GPR137C: variants seen among roughly 807,000 people sequenced by gnomAD.
GPR137C encodes the protein G protein-coupled receptor 137C.
Under a neutral mutation model 43.4 loss-of-function variants are expected in GPR137C, and 27 were observed. That is an observed-to-expected ratio of 0.62 (90% CI 0.46 to 0.86). The LOEUF is 0.86. Ranked by LOEUF, GPR137C falls within the 40% of genes least tolerant of loss-of-function variation. The pLI, the probability that GPR137C is intolerant of heterozygous loss-of-function variation, is 0.00. For synonymous variants in GPR137C, 285 were observed against 226.9 expected, an observed-to-expected ratio of 1.26 and a Z score of -2.30; for missense variants, 522 against 534.6, an observed-to-expected ratio of 0.98 and a Z score of 0.23.
intron 3 of GPR137C, among the ~76,000 whole-genome samples, chr14:52,625,858 G>A (rs755613826): frequency 1.8e-4 from 27 of 152,000 alleles, no homozygotes; most frequent in African/African-American, 6.0e-4. Context: ...CCGGCCAGAA[G>A]AACACTTGTT....
At chr14:52,589,243 T>A (rs193293780) in intron 1 of GPR137C, among the ~76,000 whole-genome samples, 58 of 152,246 alleles carry the variant, frequency 3.8e-4, no homozygotes, top group African/African-American at 1.3e-3. Flanking sequence ...AATGGGGAGT[T>A]GTTGTTTAAT....
chr14:52,585,323 C>T (rs1213987480), intron 1 of GPR137C, among the ~76,000 whole-genome samples: 1 of 152,184 alleles, frequency 6.6e-6, no homozygotes, highest in Non-Finnish European at 1.5e-5. Context: ...CATGCCTCTT[C>T]TGTCTAGAGC....
intron 1 of GPR137C, among the ~76,000 whole-genome samples, chr14:52,593,872 G>A (rs2038816272): frequency 6.6e-6 from 1 of 151,982 alleles, no homozygotes; most frequent in South Asian, 2.1e-4. Context: ...CCTTCTGCTA[G>A]CTTTTGAATT....
At chr14:52,606,962 AT>A (rs1281997076) in intron 3 of GPR137C, among the ~76,000 whole-genome samples, 1 of 152,024 alleles carries the variant, frequency 6.6e-6, no homozygotes, top group Non-Finnish European at 1.5e-5. Context: ...CATTTGCTGT[AT>A]CCTATAGTTT....
intron 1 of GPR137C, among the ~76,000 whole-genome samples, chr14:52,585,840 A>G (rs909959459): frequency 1.3e-5 from 2 of 152,172 alleles, no homozygotes; most frequent in East Asian, 3.9e-4. Flanking sequence ...GTCTCAAAAA[A>G]AAAAGAAAAG....
At chr14:52,567,649 CTT>C (rs75250866) in intron 1 of GPR137C, among the ~76,000 whole-genome samples, 1 of 133,118 alleles carries the variant, frequency 7.5e-6, no homozygotes. Flanking sequence ...TCAGATTGTT[CTT>C]TTTTTTTTTG....
intron 1 of GPR137C, among the ~76,000 whole-genome samples, chr14:52,566,802 T>C (rs1441161137): frequency 3.3e-5 from 5 of 152,214 alleles, no homozygotes; most frequent in African/African-American, 4.8e-5. Flanking sequence ...CTGGATGTTA[T>C]AGGGATACCA....
chr14:52,621,902 TATTA>T (rs933678182), intron 3 of GPR137C, among the ~76,000 whole-genome samples: 4 of 151,772 alleles, frequency 2.6e-5, no homozygotes, highest in East Asian at 1.9e-4. Flanking sequence ...AATATCCATT[TATTA>T]ATTTATTTAA....
intron 1 of GPR137C, among the ~76,000 whole-genome samples, chr14:52,554,758 A>G (rs1285000226): frequency 6.6e-6 from 1 of 152,174 alleles, no homozygotes; most frequent in African/African-American, 2.4e-5. Context: ...TATTTCCTGC[A>G]TAAACCAACT....
intron 1 of GPR137C, among the ~76,000 whole-genome samples, chr14:52,595,152 C>T (rs113079283): frequency 1.8e-3 from 277 of 152,306 alleles, no homozygotes; most frequent in African/African-American, 6.4e-3. Context: ...GAACCCCACT[C>T]TTTTCTGGTT....
At chr14:52,559,543 AGGG>A (rs1261804053) in intron 1 of GPR137C, among the ~76,000 whole-genome samples, 1 of 152,102 alleles carries the variant, frequency 6.6e-6, no homozygotes, top group African/African-American at 2.4e-5. Flanking sequence ...ATGAGGGAAA[AGGG>A]GGAATTTTTT....
intron 3 of GPR137C, among the ~76,000 whole-genome samples, chr14:52,618,846 G>A (rs2039128475): frequency 6.6e-6 from 1 of 152,022 alleles, no homozygotes; most frequent in Non-Finnish European, 1.5e-5. Flanking sequence ...ATAGCAAGTT[G>A]GGATTCTTTG....
In GPR137C at chr14:52,552,914, A is replaced by G. The variant is rs1173159273; in HGVS notation, c.-234A>G. 6.6e-6 allele frequency among the ~76,000 whole-genome samples: 1 copy of G among 150,712 alleles called. No individual in the cohort carries two copies. Among genetic ancestry groups the G allele is most frequent in the East Asian group, 2.0e-4 (1 of 5,040 alleles). ...CGAGAGTTGTTTTTTGCAGCTACGGAGCCGAGCCGCAGCAGGAGGAGCCGA... is the reference window on the plus strand; with the variant it reads ...CGAGAGTTGTTTTTTGCAGCTACGGGGCCGAGCCGCAGCAGGAGGAGCCGA... On this transcript the variant is annotated 5_prime_UTR_variant, in exon 1 of 7. Coordinates refer to ENST00000321662, the MANE Select transcript of GPR137C (RefSeq NM_001099652.2).
At chr14:52,624,150 C>A (rs2039192989) in intron 3 of GPR137C, among the ~76,000 whole-genome samples, 2 of 148,990 alleles carry the variant, frequency 1.3e-5, no homozygotes, top group African/African-American at 2.5e-5. Flanking sequence ...TAAAATAAAT[C>A]TTCATGGTAT....
chr14:52,555,037 G>T (rs2038171405), intron 1 of GPR137C, among the ~76,000 whole-genome samples: 1 of 151,854 alleles, frequency 6.6e-6, no homozygotes, highest in Non-Finnish European at 1.5e-5. Flanking sequence ...CGTTTAAGCT[G>T]TTATAACACT....
At chr14:52,561,995 A>T (rs1008464758) in intron 1 of GPR137C, among the ~76,000 whole-genome samples, 2 of 152,210 alleles carry the variant, frequency 1.3e-5, no homozygotes, top group Non-Finnish European at 2.9e-5. Context: ...AGTTGATTTT[A>T]AAAATTTCAG....
intron 1 of GPR137C, 30 bp downstream of exon 1, chr14:52,553,621 C>T: frequency 2.0e-6 from 3 of 1,478,160 alleles, no homozygotes; most frequent in Middle Eastern, 1.8e-4. Flanking sequence ...ATGCGGGGCC[C>T]GGGCGGGTGC....
Position 52,632,251 on chromosome 14 carries a change from T to C in GPR137C, c.809T>C (p.Ile270Thr), listed in dbSNP as rs2039303683. The C allele has an allele frequency of 1.9e-6, 3 of 1,610,102 alleles. No homozygotes were observed. Among genetic ancestry groups the C allele is most frequent in the Non-Finnish European group, 2.6e-6 (3 of 1,176,470 alleles). Residue 270 changes from isoleucine (I) to threonine (T), a missense_variant, in exon 4 of 7, where the codon ATA becomes ACA. This residue lies in a region of GPR137C where 437 missense variants were observed against 425.7 expected (regional missense o/e 1.03). Coordinates refer to ENST00000321662, the MANE Select transcript of GPR137C (RefSeq NM_001099652.2). The part of the protein sequence containing the change: ...RACYNLVVVT[I>T]SQDTLESPFN... ...TGTTATAATTTGGTGGTGGTCACCA[T>C]ATCTCAGGATACATTAGAAAGTCCA...
Position 52,621,954 on chromosome 14 carries a change from T to TA in GPR137C, c.718-10199dup, listed in dbSNP as rs60752683. Among the ~76,000 whole-genome samples, 428 of 151,940 alleles carry TA rather than the reference T, an allele frequency of 2.8e-3. 1 individual carries two copies. The highest frequency in any genetic ancestry group is 9.7e-3 in the African/African-American group (402 of 41,530). On this transcript the variant is annotated intron_variant, in intron 3 of 6. Coordinates refer to ENST00000321662, the MANE Select transcript of GPR137C (RefSeq NM_001099652.2). ...ACATTCTAACAAATAACATGTTTTA[T>TA]AAAAAAATTTTTATAAAACAAAATA...
Sources: gnomAD v4.1 joint callset for allele counts (sites outside exome capture counted in the v4.1 genomes callset) on GRCh38, gnomAD v4.1.1 for gene constraint, gnomAD v4.1.1 regional missense constraint, MANE v1.5 for transcripts, NCBI Gene and HGNC (gene_info 2026-07-23, HGNC 2026-07-21) for gene names.